VWA5B2: variants seen among roughly 807,000 people sequenced by gnomAD.
VWA5B2 encodes von Willebrand factor A domain containing 5B2.
VWA5B2 carries 93 observed loss-of-function variants against 118.5 expected under a neutral mutation model. The observed-to-expected ratio is 0.79, with a 90% confidence interval of 0.66 to 0.93. The LOEUF (loss-of-function observed/expected upper bound fraction) is 0.93, where lower values mean the gene tolerates loss of function less well. Among genes scored for constraint, VWA5B2 ranks in the 40% least tolerant of loss-of-function variants. The probability of loss-of-function intolerance (pLI) is 0.00; values close to 1 mark genes in which losing one functional copy is unlikely to be tolerated. For missense variants in VWA5B2, 1,546 were observed against 1,672.8 expected, an observed-to-expected ratio of 0.92 and a Z score of 1.32; for synonymous variants, 708 against 716.3, an observed-to-expected ratio of 0.99 and a Z score of 0.19.
Position 184,238,283 on chromosome 3 carries a change from C to A in VWA5B2, c.1720-20C>A. On this transcript the variant is annotated intron_variant, in intron 12 of 19. Transcript: ENST00000691901. This position sits in a 1 kb window ranked among gnomAD's most constrained non-coding sequence, Gnocchi z 5.0. ...GCACATAACTGCAGTTAATTTTTTT[C>A]CCAATAATATTCTCTCTAGGGCCAA... 6.8e-7 allele frequency: 1 copy of A among 1,462,840 alleles called. No individual in the cohort carries two copies. The highest frequency in any genetic ancestry group is 9.1e-7 in the Non-Finnish European group (1 of 1,102,058). 90.6% of individuals were successfully genotyped at this position (1,462,840 alleles called of 1,614,324 possible).
chr3:184,235,181 A>G lies in VWA5B2; in HGVS notation c.974A>G (p.Lys325Arg). The G allele has an allele frequency of 1.9e-6, 3 of 1,551,664 alleles. No homozygotes were observed. Among genetic ancestry groups the G allele is most frequent in the South Asian group, 1.2e-5 (1 of 84,060 alleles). Residue 325 changes from lysine to arginine, a missense_variant, in exon 8 of 20, where the codon AAG becomes AGG. This residue lies in a region of VWA5B2 where 775 missense variants were observed against 882.3 expected (regional missense o/e 0.88). Coordinates refer to ENST00000691901, the MANE Select transcript of VWA5B2 (RefSeq NM_001390846.1). ...QVWFLQRRFH[K>R]DILLNPVLAL... ...TGGTTCCTGCAGCGACGCTTCCACA[A>G]GGACATCCTGCTGAACCCCGTGCTG...
chr3:184,235,410 T>C (rs575370337), intron 8 of VWA5B2, 102 bp downstream of exon 8: 2 of 1,314,156 alleles, frequency 1.5e-6, no homozygotes, highest in South Asian at 1.4e-5. Context: ...ACCTTGTTGC[T>C]TCAAACACCA....
rs1340414630 is a variant in VWA5B2 at position 184,241,833 on chromosome 3, G to A, written c.3524G>A (p.Trp1175Ter). The stretch of plus-strand genomic sequence containing the variant: ...TGGGCCACTGCCGTAGCACTCGCCT[G>A]GCTGGAGCACCGATGCGCCGCTGCC... ...RTWATAVALAWLEHRCAAAFD... is the reference protein window; with the variant it reads ...RTWATAVALA The change falls in exon 20 of 20, where the codon TGG (tryptophan) becomes TAG (stop). Residue 1175 changes from tryptophan to a stop codon, truncating the protein, a stop_gained. Coordinates refer to ENST00000691901, the MANE Select transcript of VWA5B2 (RefSeq NM_001390846.1). LOFTEE classifies it high-confidence loss of function. This position sits in a 1 kb window ranked among gnomAD's most constrained non-coding sequence, Gnocchi z 5.1. 6.5e-7 allele frequency: 1 copy of A among 1,531,624 alleles called. No individual in the cohort carries two copies. The highest frequency in any genetic ancestry group is 1.4e-5 in the African/African-American group (1 of 73,040). The allele number at this position is 1,531,624 out of a possible 1,614,324, so 94.9% of individuals were successfully genotyped here.
chr3:184,237,321 C>T lies in VWA5B2; in HGVS notation c.1629C>T (p.Pro543=), dbSNP rs843334. Residue 543 remains proline (P), a synonymous_variant, in exon 12 of 20, where the codon CCC becomes CCT. Transcript: ENST00000691901. The surrounding 1 kb of genome is among the most constrained non-coding windows in gnomAD (Gnocchi z 5.6). ...VPDTVEALLT[P]REIPALYPGD... is the part of the protein sequence containing the mutation. ...ACACTGTGGAGGCACTGCTGACCCC[C>T]CGGGAGATCCCAGCACTCTACCCTG... 0.22 allele frequency: 338,473 copies of T among 1,551,218 alleles called. 37,785 individuals are homozygous for T. Among genetic ancestry groups the T allele is most frequent in the Non-Finnish European group, 0.23 (262,102 of 1,146,942 alleles).
chr3:184,235,015 C>T, intron 7 of VWA5B2, 138 bp from the exon 8 acceptor site: 1 of 1,209,840 alleles, frequency 8.3e-7, no homozygotes, highest in Non-Finnish European at 1.1e-6. Context: ...TTGCTCCTGC[C>T]TTTATTCGAA....
rs2108414458 is a variant in VWA5B2, at chr3:184,230,535, G to A, written c.7G>A (p.Gly3Ser). 4.7e-6 allele frequency: 7 copies of A among 1,476,852 alleles called. No individual in the cohort carries two copies. In the East Asian group the frequency reaches 9.0e-5, roughly 19 times the overall value. The allele number at this position is 1,476,852 out of a possible 1,614,324, so 91.5% of individuals were successfully genotyped here. A position where few individuals can be genotyped will look rare whatever the true frequency, so the allele number is the denominator to read the frequency against. Residue 3 changes from glycine to serine, a missense_variant, in exon 2 of 20, where the codon GGC becomes AGC. Transcript: ENST00000691901. ...GGGCCGGCCTCCCGGCGCCATGCCC[G>A]GCCTGTACTGCCCCTCCAGCTGGAC... is the stretch of plus-strand genomic sequence containing the variant. MP[G>S]LYCPSSWTPL...
Position 184,233,388 on chromosome 3 carries a change from G to T in VWA5B2, c.521G>T (p.Cys174Phe). The T allele has an allele frequency of 3.9e-6, 6 of 1,535,388 alleles. No individual in the cohort carries two copies. The highest frequency in any genetic ancestry group is 5.3e-6 in the Non-Finnish European group (6 of 1,140,886). Residue 174 changes from cysteine (C) to phenylalanine (F), a missense_variant, in exon 4 of 20, where the codon TGT becomes TTT. Around this residue, in one of 3 missense-constraint regions of VWA5B2, gnomAD observed 775 missense variants for 882.3 expected, o/e 0.88. Transcript: ENST00000691901. This position sits in a 1 kb window ranked among gnomAD's most constrained non-coding sequence, Gnocchi z 5.2. ...PPGPPRPPGL[C>F]DDSPTSCFGV... ...GGGCCCCCCAGGCCTCCGGGGCTCT[G>T]TGACGACAGGTTGGGCCTATGGTGA...
chr3:184,232,086 C>T (rs2108417447), intron 3 of VWA5B2, among the ~76,000 whole-genome samples: 1 of 152,294 alleles, frequency 6.6e-6, no homozygotes, highest in African/African-American at 2.4e-5. Context: ...AGTATCACCT[C>T]ATTTGAATCC....
Position 184,233,715 on chromosome 3 carries a change from G to A in VWA5B2, c.670G>A (p.Gly224Arg), listed in dbSNP as rs1717656716. The A allele has an allele frequency of 6.4e-7, 1 of 1,550,526 alleles. No individual in the cohort carries two copies. Among genetic ancestry groups the A allele is most frequent in the East Asian group, 2.4e-5 (1 of 40,916 alleles). ...CTTCTCCTTCGAGATGCTGGTGACT[G>A]GGCCATGCCTGCTTGCAGGTGGGTG... ...YTFSFEMLVT[G>R]PCLLAGLESP... Residue 224 changes from glycine (G) to arginine (R), a missense_variant, in exon 5 of 20, where the codon GGG becomes AGG. Physicochemically the swap from Gly to Arg is moderately radical, Grantham distance 125. Coordinates refer to ENST00000691901, the MANE Select transcript of VWA5B2 (RefSeq NM_001390846.1). The surrounding 1 kb of genome is among the most constrained non-coding windows in gnomAD (Gnocchi z 5.2).
At position 184,236,189 on chromosome 3, in the gene VWA5B2, A is replaced by T. The variant is rs1717969165; in HGVS notation, c.1139A>T (p.Gln380Leu). 1.9e-6 allele frequency: 3 copies of T among 1,551,704 alleles called. No homozygotes were observed. Among genetic ancestry groups the T allele is most frequent in the Non-Finnish European group, 2.6e-6 (3 of 1,146,988 alleles). The change falls in exon 9 of 20, where the codon CAG becomes CTG. Residue 380 changes from glutamine to leucine, a missense_variant. Physicochemically the swap from Gln to Leu is moderately radical, Grantham distance 113. This residue lies in a region of VWA5B2 where 775 missense variants were observed against 882.3 expected (regional missense o/e 0.88). Coordinates refer to ENST00000691901, the MANE Select transcript of VWA5B2 (RefSeq NM_001390846.1). ...TTGGCTGTGAAGTCCCTCCCGCCCC[A>T]GACGCTTATCAACCTGGCCGTGTTT... ...IVLAVKSLPP[Q>L]TLINLAVFGT...
Position 184,242,209 on chromosome 3 carries a change from GCTCT to G in VWA5B2, c.*175_*178del. 1.2e-6 allele frequency: 1 copy of G among 855,588 alleles called. No individual in the cohort carries two copies. Among genetic ancestry groups the G allele is most frequent in the Non-Finnish European group, 1.8e-6 (1 of 554,702 alleles). 53.0% of individuals were successfully genotyped at this position (855,588 alleles called of 1,614,324 possible). ...GCCCCCACAAAAAGTGCCTGCCTGT[GCTCT>G]CTCCCTCTCCTCCCACCCCACTCAC... is the stretch of plus-strand genomic sequence containing the variant. On this transcript the variant is annotated 3_prime_UTR_variant, in exon 20 of 20. Coordinates refer to ENST00000691901, the MANE Select transcript of VWA5B2 (RefSeq NM_001390846.1).
intron 7 of VWA5B2, 109 bp downstream of exon 7, chr3:184,234,864 G>A: frequency 1.4e-6 from 2 of 1,467,224 alleles, no homozygotes; most frequent in Non-Finnish European, 9.1e-7. Flanking sequence ...TCTTTTCTCG[G>A]TAAGATCTCT....
rs560850383 is a variant in VWA5B2, at chr3:184,233,341, G to C, written c.474G>C (p.Pro158=). Reference sequence around the variant, plus strand: ...TGGCCCTGCCCACTGTGCTCACCCCGCTGGCCCCGCCAGGCCCGCCGGGGC... The same window carrying C: ...TGGCCCTGCCCACTGTGCTCACCCCCCTGGCCCCGCCAGGCCCGCCGGGGC... ...LHVALPTVLT[P]LAPPGPPGPP... is the part of the protein sequence containing the mutation. The change falls in exon 4 of 20, where the codon CCG becomes CCC. Residue 158 remains proline (P), a synonymous_variant. Transcript: ENST00000691901. The surrounding 1 kb of genome is among the most constrained non-coding windows in gnomAD (Gnocchi z 5.2). The C allele has an allele frequency of 1.9e-5, 29 of 1,536,348 alleles. No individual in the cohort carries two copies. In the South Asian group the frequency reaches 3.6e-4, roughly 19 times the overall value.
rs1300339547 is a variant in VWA5B2, at chr3:184,242,212, C to G, written c.*174C>G. The G allele has an allele frequency of 4.8e-6, 4 of 826,368 alleles. No homozygotes were observed. In the African/African-American group the frequency reaches 6.8e-5, roughly 14 times the overall value. 51.2% of individuals were successfully genotyped at this position (826,368 alleles called of 1,614,324 possible). ...CCCACAAAAAGTGCCTGCCTGTGCT[C>G]TCTCCCTCTCCTCCCACCCCACTCA... On this transcript the variant is annotated 3_prime_UTR_variant, in exon 20 of 20. Coordinates refer to ENST00000691901, the MANE Select transcript of VWA5B2 (RefSeq NM_001390846.1).
rs1370565737 is a variant in VWA5B2 at position 184,241,332 on chromosome 3, T to A, written c.3108T>A (p.Arg1036=). ...CCTGTCGGCTCAGCATGGGCCGCCG[T>A]CACAAACTCTGTAGCCCTGACCCGG... The part of the protein sequence containing the change: ...RPPCRLSMGR[R]HKLCSPDPGQ... The change falls in exon 19 of 20, where the codon CGT becomes CGA. Residue 1036 remains arginine (R), a synonymous_variant. Coordinates refer to ENST00000691901, the MANE Select transcript of VWA5B2 (RefSeq NM_001390846.1). This position sits in a 1 kb window ranked among gnomAD's most constrained non-coding sequence, Gnocchi z 5.1. 2 of 1,551,632 alleles carry A rather than the reference T, an allele frequency of 1.3e-6. No homozygotes were observed. The highest frequency in any genetic ancestry group is 1.2e-5 in the South Asian group (1 of 84,068).
intron 1 of VWA5B2, 22 bp from the exon 2 acceptor site, chr3:184,230,358 C>T: frequency 1.3e-6 from 1 of 777,462 alleles, no homozygotes; most frequent in Middle Eastern, 4.4e-4. Flanking sequence ...CCCTTATCTC[C>T]CCCGCCACCT....
intron 5 of VWA5B2, 139 bp from the exon 6 acceptor site, chr3:184,234,127 A>T: frequency 8.9e-7 from 1 of 1,129,232 alleles, no homozygotes; most frequent in Non-Finnish European, 1.2e-6. Context: ...GAAAGCAGGC[A>T]CATCCTCCCT....
chr3:184,236,364 G>A lies in VWA5B2; in HGVS notation c.1234G>A (p.Glu412Lys), dbSNP rs987778982. The stretch of plus-strand genomic sequence containing the variant: ...CCAGGATGCTGTGCAGCTGATCTGC[G>A]AGAGCATTGAGACCCTGCAGGTTCC... The part of the protein sequence containing the change: ...CSDDAVQLIC[E>K]SIETLQVPSG... Residue 412 changes from glutamate (E) to lysine (K), a missense_variant, in exon 10 of 20, where the codon GAG becomes AAG. By Grantham distance (56) the Glu-to-Lys change is moderately conservative. Transcript: ENST00000691901. 32 of 1,546,760 alleles carry A rather than the reference G, an allele frequency of 2.1e-5. No homozygotes were observed. Among genetic ancestry groups the A allele is most frequent in the Middle Eastern group, 1.7e-4 (1 of 6,002 alleles).
At position 184,242,196 on chromosome 3, in the gene VWA5B2, A is replaced by G; in HGVS notation, c.*158A>G. ...CTAGAGCCCTCTTGCCCCCACAAAA[A>G]GTGCCTGCCTGTGCTCTCTCCCTCT... On this transcript the variant is annotated 3_prime_UTR_variant, in exon 20 of 20. Coordinates refer to ENST00000691901, the MANE Select transcript of VWA5B2 (RefSeq NM_001390846.1). 1.0e-6 allele frequency: 1 copy of G among 975,644 alleles called. No individual in the cohort carries two copies. Among genetic ancestry groups the G allele is most frequent in the Non-Finnish European group, 1.5e-6 (1 of 665,562 alleles). The allele number at this position is 975,644 out of a possible 1,614,324, so 60.4% of individuals were successfully genotyped here. A position where few individuals can be genotyped will look rare whatever the true frequency, so the allele number is the denominator to read the frequency against.
Sources: allele counts gnomAD v4.1 joint callset (sites outside exome capture counted in the v4.1 genomes callset), GRCh38; gene constraint gnomAD v4.1.1; regional missense constraint gnomAD v4.1.1; non-coding constraint Gnocchi (gnomAD v3.1); transcripts MANE v1.5; gene names NCBI Gene and HGNC (gene_info 2026-07-23, HGNC 2026-07-21).